ZNF727: variants seen among roughly 807,000 people sequenced by gnomAD.
ZNF727 encodes the protein putative zinc finger protein 727.
In ZNF727, 11 loss-of-function variants were observed where a neutral mutation model predicts 11.5. That is an observed-to-expected ratio of 0.95 (90% CI 0.60 to 1.58). The LOEUF (loss-of-function observed/expected upper bound fraction) is 1.58. ZNF727 is among the 40% of genes most tolerant of loss of function. ZNF727 has a pLI of 0.00. For synonymous variants in ZNF727, 171 were observed against 196.1 expected, an observed-to-expected ratio of 0.87 and a Z score of 1.07; for missense variants, 533 against 581.7, an observed-to-expected ratio of 0.92 and a Z score of 0.86.
Position 64,045,442 on chromosome 7 carries a change from C to T in ZNF727, c.-180C>T. ...GCTAGAGAGGAAGAGGCGGGCTCTT[C>T]AATATGGCAAGGCCTTCGTCTCCTA... On this transcript the variant is annotated 5_prime_UTR_variant, in exon 1 of 4. Coordinates refer to ENST00000456806, the MANE Select transcript of ZNF727 (RefSeq NM_001159522.3). The T allele has an allele frequency of 1.2e-6, 1 of 856,978 alleles. No individual in the cohort carries two copies. The highest frequency in any genetic ancestry group is 1.9e-6 in the Non-Finnish European group (1 of 522,510). 53.1% of individuals were successfully genotyped at this position (856,978 alleles called of 1,614,324 possible).
At position 64,069,014 on chromosome 7, in the gene ZNF727, T is replaced by C. The variant is rs749146174; in HGVS notation, c.127T>C (p.Leu43=). The C allele has an allele frequency of 5.0e-6, 8 of 1,596,428 alleles. No individual in the cohort carries two copies. In the East Asian group the frequency reaches 9.1e-5, roughly 18 times the overall value. ...MLENYGNLFS[L]GLAIFKPDLI... is the part of the protein sequence containing the mutation. ...AGAGAACTACGGAAACCTGTTCTCC[T>C]TGGGTGAGAATAACTTCAATATACA... Residue 43 remains leucine, a synonymous_variant, in exon 2 of 4, where the codon TTG becomes CTG. Transcript: ENST00000456806.
Position 64,062,628 on chromosome 7 carries a change from T to G in ZNF727, c.4-6263T>G, listed in dbSNP as rs191213869. ...TTGAAAGTTTTATTATTAAAGACCT[T>G]CAGGTGGTCATATTTAAGTGAATTG... On this transcript the variant is annotated intron_variant, in intron 1 of 3. Coordinates refer to ENST00000456806, the MANE Select transcript of ZNF727 (RefSeq NM_001159522.3). 9.7e-4 allele frequency among the ~76,000 whole-genome samples: 144 copies of G among 148,084 alleles called. 1 individual carries two copies. The highest frequency in any genetic ancestry group is 1.8e-3 in the Non-Finnish European group (123 of 66,900).
Position 64,045,476 on chromosome 7 carries a change from G to A in ZNF727, c.-146G>A. 2 of 1,144,430 alleles carry A rather than the reference G, an allele frequency of 1.7e-6. No individual in the cohort carries two copies. Among genetic ancestry groups the A allele is most frequent in the Non-Finnish European group, 2.6e-6 (2 of 777,674 alleles). The allele number at this position is 1,144,430 out of a possible 1,614,324, so 70.9% of individuals were successfully genotyped here. On this transcript the variant is annotated 5_prime_UTR_variant, in exon 1 of 4. Coordinates refer to ENST00000456806, the MANE Select transcript of ZNF727 (RefSeq NM_001159522.3). ...AAGGCCTTCGTCTCCTAGCTTCTAG[G>A]CTCTGAGTCCAGTACCCGTCTGTAC...
At chr7:64,073,198 G>A (rs1307820208) in intron 3 of ZNF727, among the ~76,000 whole-genome samples, 1 of 151,058 alleles carries the variant, frequency 6.6e-6, no homozygotes, top group Non-Finnish European at 1.5e-5. Flanking sequence ...ACCTCTGTAT[G>A]ACTTTTCCCC....
chr7:64,070,918 T>C (rs966630821), intron 3 of ZNF727, among the ~76,000 whole-genome samples: 1 of 152,090 alleles, frequency 6.6e-6, no homozygotes, highest in East Asian at 1.9e-4. Flanking sequence ...TAACGTCATC[T>C]AGGTCCACCC....
chr7:64,045,935 G>A (rs1430035894), intron 1 of ZNF727, among the ~76,000 whole-genome samples: 2 of 152,220 alleles, frequency 1.3e-5, no homozygotes, highest in African/African-American at 4.8e-5. Flanking sequence ...TCCTCATTCA[G>A]GGTCTGGAGT....
intron 3 of ZNF727, among the ~76,000 whole-genome samples, chr7:64,071,623 C>T (rs1488370224): frequency 6.6e-6 from 1 of 151,816 alleles, no homozygotes; most frequent in African/African-American, 2.4e-5. Context: ...TTTATATTTG[C>T]TTTCATTGCT....
In ZNF727 at chr7:64,068,891, C is replaced by T. The variant is rs10237332; in HGVS notation, c.4C>T (p.Arg2Ter). The T allele has an allele frequency of 2.8e-3, 4,402 of 1,589,956 alleles. 98 individuals carry two copies. The African/African-American group carries it at 0.048, about 17-fold the overall frequency. M[R>*]VLTFRDVAVE... ...TTGGTAAATATGTTTTGTTTTTCAGCGAGTGCTAACATTCAGGGATGTGGC... is the reference window on the plus strand; with the variant it reads ...TTGGTAAATATGTTTTGTTTTTCAGTGAGTGCTAACATTCAGGGATGTGGC... The change falls in exon 2 of 4, where the codon CGA becomes TGA. Residue 2 changes from arginine to a stop codon, truncating the protein, a stop_gained and splice_region_variant. Transcript: ENST00000456806. LOFTEE classifies it high-confidence loss of function.
intron 3 of ZNF727, among the ~76,000 whole-genome samples, chr7:64,074,850 C>CAT (rs1198306747): frequency 1.3e-5 from 2 of 152,088 alleles, no homozygotes; most frequent in East Asian, 1.9e-4. Context: ...CACTGTCCAG[C>CAT]ATATAATAAA....
intron 1 of ZNF727, among the ~76,000 whole-genome samples, chr7:64,048,420 C>T (rs1297332541): frequency 6.6e-6 from 1 of 152,032 alleles, no homozygotes; most frequent in African/African-American, 2.4e-5. Flanking sequence ...ATGATGGTTG[C>T]AGAAAAATAA....
intron 1 of ZNF727, among the ~76,000 whole-genome samples, chr7:64,054,681 G>A (rs1275055130): frequency 1.3e-5 from 2 of 152,086 alleles, no homozygotes; most frequent in African/African-American, 4.8e-5. Context: ...TGATTGCACA[G>A]GATTGTCTGT....
chr7:64,046,828 G>A lies in ZNF727; in HGVS notation c.3+1204G>A, dbSNP rs1161528194. ...TCAAAGGAGAGACTTGGAACAAAAGGCTTTTGTAAGAGGTATGAGGAAGCA... is the reference window on the plus strand; with the variant it reads ...TCAAAGGAGAGACTTGGAACAAAAGACTTTTGTAAGAGGTATGAGGAAGCA... On this transcript the variant is annotated intron_variant, in intron 1 of 3. Transcript: ENST00000456806. Among the ~76,000 whole-genome samples, 17 of 152,318 alleles carry A rather than the reference G, an allele frequency of 1.1e-4. No homozygotes were observed. The East Asian group carries it at 3.3e-3, about 29-fold the overall frequency.
Position 64,068,793 on chromosome 7 carries a change from CAT to C in ZNF727, c.4-94_4-93del, listed in dbSNP as rs1189434291. On this transcript the variant is annotated intron_variant, in intron 1 of 3. Transcript: ENST00000456806. ...ATCCTATTGGATAACTCCAGTAACTCATATAAGTCAGAACCAGCTCTCTTTAC... is the reference window on the plus strand; with the variant it reads ...ATCCTATTGGATAACTCCAGTAACTCATAAGTCAGAACCAGCTCTCTTTAC... The C allele has an allele frequency of 4.4e-6, 6 of 1,364,940 alleles. No individual in the cohort carries two copies. The African/African-American group carries it at 5.9e-5, about 13-fold the overall frequency. 84.6% of individuals were successfully genotyped at this position (1,364,940 alleles called of 1,614,324 possible).
At position 64,083,819 on chromosome 7, in the gene ZNF727, A is replaced by AG. The variant is rs1206435858; in HGVS notation, c.*5271dup. Among the ~76,000 whole-genome samples, 1 of 152,118 alleles carries AG rather than the reference A, an allele frequency of 6.6e-6. No individual in the cohort carries two copies. Among genetic ancestry groups the AG allele is most frequent in the Non-Finnish European group, 1.5e-5 (1 of 68,010 alleles). On this transcript the variant is annotated 3_prime_UTR_variant, in exon 4 of 4. Transcript: ENST00000456806. The stretch of plus-strand genomic sequence containing the variant: ...CGTAAGTTAAGTTGTTTCTTTCATT[A>AG]GTTCCAATGCAAGTACCTGGATGTT...
chr7:64,057,152 T>C (rs748932695), intron 1 of ZNF727, among the ~76,000 whole-genome samples: 1 of 152,144 alleles, frequency 6.6e-6, no homozygotes, highest in Non-Finnish European at 1.5e-5. Context: ...AACTACAGTT[T>C]GTTGAGCATG....
intron 1 of ZNF727, among the ~76,000 whole-genome samples, chr7:64,067,789 T>C (rs1264478046): frequency 1.3e-5 from 2 of 151,994 alleles, no homozygotes. Flanking sequence ...CTAACACATG[T>C]AGAGCTTAAA....
chr7:64,075,372 C>T (rs1790024358), intron 3 of ZNF727, among the ~76,000 whole-genome samples: 1 of 151,898 alleles, frequency 6.6e-6, no homozygotes, highest in Non-Finnish European at 1.5e-5. Context: ...CATATTTTCT[C>T]ATCAAAGCTT....
At chr7:64,059,899 C>G (rs1431919990) in intron 1 of ZNF727, among the ~76,000 whole-genome samples, 1 of 152,092 alleles carries the variant, frequency 6.6e-6, no homozygotes, top group Non-Finnish European at 1.5e-5. Flanking sequence ...GTAAATAGGA[C>G]TTTGTCAGTC....
intron 3 of ZNF727, among the ~76,000 whole-genome samples, chr7:64,072,142 G>T (rs7807313): frequency 6.6e-6 from 1 of 151,954 alleles, no homozygotes; most frequent in Non-Finnish European, 1.5e-5. Context: ...TTTAATAGGG[G>T]ATTTATTGAA....
Sources: gnomAD v4.1 joint callset for allele counts (sites outside exome capture counted in the v4.1 genomes callset) on GRCh38, gnomAD v4.1.1 for gene constraint, MANE v1.5 for transcripts, NCBI Gene and HGNC (gene_info 2026-07-23, HGNC 2026-07-21) for gene names.